Variants in CMTM8 observed in about 807,000 individuals in gnomAD.
The protein encoded by CMTM8 is CKLF like MARVEL transmembrane domain containing 8, also known as CKLF-like MARVEL transmembrane domain-containing protein 8.
Under a neutral mutation model 18.6 loss-of-function variants are expected in CMTM8, and 12 were observed. That is an observed-to-expected ratio of 0.65 (90% CI 0.41 to 1.05). CMTM8 has a LOEUF of 1.05. CMTM8 is among the 50% of genes least tolerant of loss of function. The pLI, the probability that CMTM8 is intolerant of heterozygous loss-of-function variation, is 0.00. For missense variants in CMTM8, 217 were observed against 227.2 expected (o/e 0.95, Z 0.29); for synonymous variants, 87 against 90.6 (o/e 0.96, Z 0.23).
chr3:32,301,143 A>C (rs1695605625), intron 1 of CMTM8, among the ~76,000 whole-genome samples: 1 of 152,314 alleles, frequency 6.6e-6, no homozygotes, highest in Admixed American at 6.5e-5. Flanking sequence ...GCTATATGCC[A>C]GGTAGGACAT....
At position 32,370,165 on chromosome 3, in the gene CMTM8, C is replaced by T. The variant is rs184250215; in HGVS notation, c.*198C>T. 7.9e-4 allele frequency: 246 copies of T among 313,274 alleles called. No homozygotes were observed. The highest frequency in any genetic ancestry group is 1.4e-3 in the Admixed American group (31 of 21,968). The allele number at this position is 313,274 out of a possible 1,614,324, so 19.4% of individuals were successfully genotyped here. A position where few individuals can be genotyped will look rare whatever the true frequency, so the allele number is the denominator to read the frequency against. On this transcript the variant is annotated 3_prime_UTR_variant, in exon 4 of 4. Coordinates refer to ENST00000307526, the MANE Select transcript of CMTM8 (RefSeq NM_178868.5). ...AAAGTGTTGTAGCTTATAATGAACT[C>T]TTAAGTATCTTATTAATGTATTAAT...
chr3:32,313,875 G>T (rs1183765833), intron 1 of CMTM8, among the ~76,000 whole-genome samples: 1 of 152,182 alleles, frequency 6.6e-6, no homozygotes, highest in Non-Finnish European at 1.5e-5. Flanking sequence ...ACATAGAAGG[G>T]TGAGGAGTGG....
chr3:32,274,305 A>C (rs1352405275), intron 1 of CMTM8, among the ~76,000 whole-genome samples: 2 of 151,972 alleles, frequency 1.3e-5, no homozygotes, highest in African/African-American at 4.8e-5. Context: ...GTCTCAAAAA[A>C]AAAAAAAAAT....
chr3:32,262,611 C>T (rs4245886), intron 1 of CMTM8, among the ~76,000 whole-genome samples: 1 of 152,006 alleles, frequency 6.6e-6, no homozygotes, highest in African/African-American at 2.4e-5. Flanking sequence ...AGCTATGCAA[C>T]CTTTACAACT....
rs1301221372 is a variant in CMTM8 at position 32,254,962 on chromosome 3, C to G, written c.147+15843C>G. Reference sequence around the variant, plus strand: ...TCAGCTACTAATCTACTGTCTGTCTCTATAAATTTGCCTATTTTGGACATT... The same window carrying G: ...TCAGCTACTAATCTACTGTCTGTCTGTATAAATTTGCCTATTTTGGACATT... On this transcript the variant is annotated intron_variant, in intron 1 of 3. Coordinates refer to ENST00000307526, the MANE Select transcript of CMTM8 (RefSeq NM_178868.5). 3.3e-5 allele frequency among the ~76,000 whole-genome samples: 5 copies of G among 152,188 alleles called. No homozygotes were observed. The East Asian group carries it at 9.6e-4, about 29-fold the overall frequency.
At chr3:32,249,576 A>T (rs1702087880) in intron 1 of CMTM8, among the ~76,000 whole-genome samples, 2 of 152,134 alleles carry the variant, frequency 1.3e-5, no homozygotes. Flanking sequence ...TGACCATCCT[A>T]GTGAATGTGA....
At chr3:32,259,450 A>G in intron 1 of CMTM8, 1 of 790,190 alleles carries the variant, frequency 1.3e-6, no homozygotes, top group Admixed American at 1.7e-5. Flanking sequence ...ATGAGACAGA[A>G]CTGGCCATGT....
chr3:32,361,018 G>A (rs931047456), intron 2 of CMTM8, among the ~76,000 whole-genome samples: 5 of 152,206 alleles, frequency 3.3e-5, no homozygotes, highest in Non-Finnish European at 7.3e-5. Context: ...TTTCACTCTT[G>A]TTGCCCAGGC....
At chr3:32,343,365 G>A (rs946236208) in intron 1 of CMTM8, among the ~76,000 whole-genome samples, 1 of 152,124 alleles carries the variant, frequency 6.6e-6, no homozygotes, top group Non-Finnish European at 1.5e-5. Flanking sequence ...CTGATGCCAG[G>A]CCTCCTTTGC....
rs1177285707 is a variant in CMTM8 at position 32,270,945 on chromosome 3, A to G, written c.147+31826A>G. On this transcript the variant is annotated intron_variant, in intron 1 of 3. Coordinates refer to ENST00000307526, the MANE Select transcript of CMTM8 (RefSeq NM_178868.5). ...TGCTCTCTTAGACATTATTTTTCCA[A>G]ATTCCCCAAAGGTCACTACTACTAT... is the stretch of plus-strand genomic sequence containing the variant. Among the ~76,000 whole-genome samples, 4 of 152,268 alleles carry G rather than the reference A, an allele frequency of 2.6e-5. No homozygotes were observed. In the East Asian group the frequency reaches 7.7e-4, roughly 29 times the overall value.
chr3:32,288,528 T>G (rs1171477695), intron 1 of CMTM8, among the ~76,000 whole-genome samples: 1 of 149,644 alleles, frequency 6.7e-6, no homozygotes, highest in Admixed American at 6.7e-5. Context: ...TGAAATGGAG[T>G]CTTGCTCTAT....
rs1306834951 is a variant in CMTM8 at position 32,352,878 on chromosome 3, T to G, written c.148-4495T>G. Among the ~76,000 whole-genome samples, 9 of 27,786 alleles carry G rather than the reference T, an allele frequency of 3.2e-4. No individual in the cohort carries two copies. The South Asian group carries it at 5.4e-3, about 17-fold the overall frequency. The allele number at this position is 27,786 out of a possible 152,430, so 18.2% of individuals were successfully genotyped here. ...TGAAAGTTAAAACATAGGTTCTGTT[T>G]TTTTTTTTTTTAATCAGGTTTTTAG... On this transcript the variant is annotated intron_variant, in intron 1 of 3. Transcript: ENST00000307526.
intron 1 of CMTM8, among the ~76,000 whole-genome samples, chr3:32,291,391 C>T (rs907605607): frequency 5.3e-5 from 8 of 152,130 alleles, no homozygotes; most frequent in East Asian, 1.9e-4. Context: ...CCGCCCGCCT[C>T]GGCCTCCCAA....
At chr3:32,315,462 G>A (rs1468196366) in intron 1 of CMTM8, among the ~76,000 whole-genome samples, 3 of 152,158 alleles carry the variant, frequency 2.0e-5, no homozygotes, top group Non-Finnish European at 4.4e-5. Flanking sequence ...TCAAGGAAGA[G>A]ATGCGGACAC....
At chr3:32,298,744 C>T (rs1361765763) in intron 1 of CMTM8, among the ~76,000 whole-genome samples, 1 of 150,388 alleles carries the variant, frequency 6.6e-6, no homozygotes, top group Admixed American at 6.6e-5. Flanking sequence ...GCAATCCTCC[C>T]ACCTCAGCTT....
chr3:32,293,063 G>GTACATATA (rs1158779014), intron 1 of CMTM8, among the ~76,000 whole-genome samples: 6 of 136,088 alleles, frequency 4.4e-5, no homozygotes, highest in African/African-American at 1.7e-4. Context: ...TATGATGTGT[G>GTACATATA]TATATATGTG....
chr3:32,293,221 G>A (rs1702814264), intron 1 of CMTM8, among the ~76,000 whole-genome samples: 1 of 152,022 alleles, frequency 6.6e-6, no homozygotes. Flanking sequence ...TGTCCACTGT[G>A]GTTAATTGGG....
At chr3:32,260,057 G>A in intron 1 of CMTM8, 1 of 1,142,762 alleles carries the variant, frequency 8.8e-7, no homozygotes, top group South Asian at 1.3e-5. Flanking sequence ...GGTCAAGCTG[G>A]AGGCTGAGAT....
At chr3:32,272,582 A>G (rs957582970) in intron 1 of CMTM8, among the ~76,000 whole-genome samples, 1 of 152,024 alleles carries the variant, frequency 6.6e-6, no homozygotes, top group African/African-American at 2.4e-5. Context: ...TGTTTAATCT[A>G]TCATTGGATT....
Sources: allele counts gnomAD v4.1 joint callset (sites outside exome capture counted in the v4.1 genomes callset), GRCh38; gene constraint gnomAD v4.1.1; transcripts MANE v1.5; gene names NCBI Gene and HGNC (gene_info 2026-07-23, HGNC 2026-07-21).